The following HDAC4 variants were observed in gnomAD, a reference collection of about 807,000 sequenced individuals.
HDAC4 encodes histone deacetylase 4.
In HDAC4, 16 loss-of-function variants were observed where a neutral mutation model predicts 135.1. The observed-to-expected ratio is 0.12, with a 90% CI of 0.08 to 0.18. HDAC4 has a LOEUF of 0.18. Among genes scored for constraint, HDAC4 ranks in the 10% least tolerant of loss-of-function variants. The pLI, the probability that HDAC4 is intolerant of heterozygous loss-of-function variation, is 1.00. For missense variants in HDAC4, 1,143 were observed against 1,511.8 expected, an observed-to-expected ratio of 0.76 and a Z score of 4.05; for synonymous variants, 685 against 653.4, an observed-to-expected ratio of 1.05 and a Z score of -0.74.
intron 2 of HDAC4, among the ~76,000 whole-genome samples, chr2:239,271,469 T>G (rs2050055642): frequency 1.3e-5 from 2 of 152,264 alleles, no homozygotes; most frequent in African/African-American, 4.8e-5. Context: ...TTTTCAGTGC[T>G]GTTGTGTTTG....
At position 239,273,393 on chromosome 2, in the gene HDAC4, A is replaced by C. The variant is rs188961927; in HGVS notation, c.23-36729T>G. Among the ~76,000 whole-genome samples, 21 of 152,360 alleles carry C rather than the reference A, an allele frequency of 1.4e-4. No homozygotes were observed. In the East Asian group the frequency reaches 3.7e-3, roughly 27 times the overall value. Reference sequence around the variant, plus strand: ...CAGTGACCTTCAGATGATGTAAAGCAACGAGCTCATTCCTCTGAAAGATGG... The same window carrying C: ...CAGTGACCTTCAGATGATGTAAAGCCACGAGCTCATTCCTCTGAAAGATGG... On this transcript the variant is annotated intron_variant, in intron 2 of 26. Coordinates refer to ENST00000543185, the MANE Select transcript of HDAC4 (RefSeq NM_001378414.1).
intron 2 of HDAC4, among the ~76,000 whole-genome samples, chr2:239,330,542 C>G (rs1691501010): frequency 6.6e-6 from 1 of 152,238 alleles, no homozygotes; most frequent in African/African-American, 2.4e-5. Context: ...ACTGAACAGG[C>G]TGCCAGTGAC....
intron 24 of HDAC4, among the ~76,000 whole-genome samples, chr2:239,059,982 G>A (rs975241681): frequency 7.2e-5 from 11 of 152,210 alleles, no homozygotes; most frequent in African/African-American, 2.4e-4. Flanking sequence ...CGTAGTTCTC[G>A]AGAGTGACCG....
At chr2:239,223,740 G>T (rs137981301) in intron 3 of HDAC4, among the ~76,000 whole-genome samples, 1 of 151,862 alleles carries the variant, frequency 6.6e-6, no homozygotes, top group Admixed American at 6.6e-5. Context: ...GAGGCTGTGC[G>T]CTCACACTCT....
At chr2:239,274,041 C>G (rs1446167336) in intron 2 of HDAC4, among the ~76,000 whole-genome samples, 1 of 152,230 alleles carries the variant, frequency 6.6e-6, no homozygotes, top group Non-Finnish European at 1.5e-5. Context: ...TGGAACAATA[C>G]AGTGAGGCAG....
chr2:239,195,863 A>G (rs1210568713), intron 3 of HDAC4, among the ~76,000 whole-genome samples: 2 of 152,218 alleles, frequency 1.3e-5, no homozygotes, highest in Admixed American at 6.5e-5. Flanking sequence ...TGAATTCTCA[A>G]TCACAAACAG....
chr2:239,075,085 G>A (rs1052881797), intron 22 of HDAC4, among the ~76,000 whole-genome samples: 10 of 151,902 alleles, frequency 6.6e-5, no homozygotes, highest in South Asian at 2.1e-4. Flanking sequence ...TTAGCTGGGC[G>A]TGGTGGCGGG....
intron 12 of HDAC4, among the ~76,000 whole-genome samples, chr2:239,120,534 G>A (rs1028836520): frequency 6.0e-5 from 9 of 149,816 alleles, no homozygotes; most frequent in Non-Finnish European, 7.4e-5. Context: ...GAGGAGACCA[G>A]AGGGCCAGCA....
chr2:239,190,136 C>G, intron 3 of HDAC4, 59 bp from the exon 4 acceptor site: 7 of 1,558,290 alleles, frequency 4.5e-6, no homozygotes, highest in Non-Finnish European at 6.0e-6. Flanking sequence ...CCCTGGGCCC[C>G]AGAGCCCCCA....
chr2:239,119,507 G>A (rs552837051), intron 12 of HDAC4, among the ~76,000 whole-genome samples: 9 of 150,970 alleles, frequency 6.0e-5, no homozygotes, highest in South Asian at 2.1e-4. Flanking sequence ...GGCTGAGGGC[G>A]CGGGGACCAG....
chr2:239,277,490 T>C (rs143881071), intron 2 of HDAC4, among the ~76,000 whole-genome samples: 2,663 of 152,306 alleles, frequency 0.017, 37 homozygotes, highest in Non-Finnish European at 0.026. Context: ...CTCTGCGCTG[T>C]TGGTGCCAGT....
At chr2:239,326,393 G>C (rs2125793303) in intron 2 of HDAC4, among the ~76,000 whole-genome samples, 1 of 152,342 alleles carries the variant, frequency 6.6e-6, no homozygotes, top group Middle Eastern at 3.4e-3. Context: ...ACTAGGTATG[G>C]AGTTTCTGTT....
Position 239,366,579 on chromosome 2 carries a change from T to C in HDAC4, c.-219-13661A>G, listed in dbSNP as rs534635398. The stretch of plus-strand genomic sequence containing the variant: ...AAACTCTGGAGAGGAAGAGTCCAAA[T>C]GGAGAAGGCATCCAGATAAAACAAG... On this transcript the variant is annotated intron_variant, in intron 1 of 26. Coordinates refer to ENST00000543185, the MANE Select transcript of HDAC4 (RefSeq NM_001378414.1). Among the ~76,000 whole-genome samples, 4 of 152,266 alleles carry C rather than the reference T, an allele frequency of 2.6e-5. No individual in the cohort carries two copies. The South Asian group carries it at 6.2e-4, about 24-fold the overall frequency.
intron 2 of HDAC4, among the ~76,000 whole-genome samples, chr2:239,337,287 C>T (rs1304855480): frequency 6.6e-6 from 1 of 152,088 alleles, no homozygotes; most frequent in Non-Finnish European, 1.5e-5. Flanking sequence ...TACTCACCGG[C>T]GAAATAAACG....
At chr2:239,235,391 G>A (rs2047826715) in intron 3 of HDAC4, among the ~76,000 whole-genome samples, 2 of 152,306 alleles carry the variant, frequency 1.3e-5, no homozygotes, top group Admixed American at 6.5e-5. Context: ...ACTTCCTTTC[G>A]GGGTGATGAG....
At position 239,240,681 on chromosome 2, in the gene HDAC4, G is replaced by A. The variant is rs1248403374; in HGVS notation, c.23-4017C>T. Among the ~76,000 whole-genome samples the A allele has an allele frequency of 5.9e-5, 9 of 152,164 alleles. No homozygotes were observed. The South Asian group carries it at 1.4e-3, about 24-fold the overall frequency. ...TCAGCGCTGGGGCTGCAGACCAGAT[G>A]CACACTGAGAGGGAGGCCGAGGAGC... On this transcript the variant is annotated intron_variant, in intron 2 of 26. Coordinates refer to ENST00000543185, the MANE Select transcript of HDAC4 (RefSeq NM_001378414.1). The surrounding 1 kb of genome is among the most constrained non-coding windows in gnomAD (Gnocchi z 4.5).
intron 1 of HDAC4, among the ~76,000 whole-genome samples, chr2:239,397,896 C>T (rs1038976110): frequency 7.9e-5 from 12 of 152,320 alleles, no homozygotes; most frequent in African/African-American, 1.4e-4. Context: ...GCCCACCACA[C>T]GGCAGGGCAT....
chr2:239,196,342 A>C (rs1290928706), intron 3 of HDAC4, among the ~76,000 whole-genome samples: 3 of 152,220 alleles, frequency 2.0e-5, no homozygotes, highest in African/African-American at 7.2e-5. Flanking sequence ...AATGAGGCCC[A>C]AACGTCACCC....
At chr2:239,182,225 C>G (rs2044196449) in intron 4 of HDAC4, among the ~76,000 whole-genome samples, 1 of 151,328 alleles carries the variant, frequency 6.6e-6, no homozygotes, top group Non-Finnish European at 1.5e-5. Flanking sequence ...GCTCAGAAAA[C>G]AAACACAGTC....
Sources: allele counts gnomAD v4.1 joint callset (sites outside exome capture counted in the v4.1 genomes callset), GRCh38; gene constraint gnomAD v4.1.1; non-coding constraint Gnocchi (gnomAD v3.1); transcripts MANE v1.5; gene names NCBI Gene and HGNC (gene_info 2026-07-23, HGNC 2026-07-21).